The following RP1 variants were observed in gnomAD, a reference collection of about 807,000 sequenced individuals.
The protein encoded by RP1 is oxygen-regulated protein 1.
In RP1, 16 loss-of-function variants were observed where a neutral mutation model predicts 14.8. The observed-to-expected ratio is 1.08, with a 90% confidence interval of 0.73 to 1.65. RP1 has a LOEUF of 1.65. RP1 is among the 40% of genes most tolerant of loss of function. The pLI is 0.00. For missense variants in RP1, 2,631 were observed against 2,535.0 expected (o/e 1.04, Z -0.81); for synonymous variants, 876 against 883.6 (o/e 0.99, Z 0.15).
intron 19 of RP1, among the ~76,000 whole-genome samples, chr8:54,746,826 A>T (rs1034389194): frequency 3.9e-5 from 6 of 152,208 alleles, no homozygotes; most frequent in Non-Finnish European, 1.5e-5. Flanking sequence ...GGTACTTGGT[A>T]TCTCACAAGT....
intron 14 of RP1, among the ~76,000 whole-genome samples, chr8:54,701,827 T>C (rs1250596301): frequency 6.6e-6 from 1 of 152,134 alleles, no homozygotes; most frequent in Non-Finnish European, 1.5e-5. Flanking sequence ...TGAAAGGCAA[T>C]AGAGATGACA....
chr8:54,769,265 C>G (rs1170842547), intron 22 of RP1, among the ~76,000 whole-genome samples: 1 of 152,186 alleles, frequency 6.6e-6, no homozygotes, highest in Non-Finnish European at 1.5e-5. Context: ...AAGACAGAAA[C>G]TCTCATAGAG....
intron 12 of RP1, among the ~76,000 whole-genome samples, chr8:54,696,215 C>A (rs1448567469): frequency 6.6e-6 from 1 of 152,102 alleles, no homozygotes; most frequent in African/African-American, 2.4e-5. Flanking sequence ...TTAAATAATT[C>A]CATGCTAAAA....
At chr8:54,634,065 C>G (rs961290524), downstream of RP1, among the ~76,000 whole-genome samples, 1 of 152,138 alleles carries the variant, frequency 6.6e-6, no homozygotes. Flanking sequence ...AAATGACTTT[C>G]TATTCCCTGT....
chr8:54,579,170 A>C (rs535879388), intron 1 of RP1, among the ~76,000 whole-genome samples: 1 of 152,224 alleles, frequency 6.6e-6, no homozygotes, highest in East Asian at 1.9e-4. Context: ...TCTAGGAAAC[A>C]GACATCAGGG....
intron 24 of RP1, among the ~76,000 whole-genome samples, chr8:54,807,658 CTATCTATCTATCTATCT>C (rs1337091893): frequency 2.5e-4 from 14 of 55,660 alleles, no homozygotes; most frequent in African/African-American, 1.4e-3. Context: ...ATCTATCTAT[CTATCTATCTATCTATCT>C]ATTTATCTAT....
rs137928531 is a variant in RP1 at position 54,662,190 on chromosome 8, A to G, written c.1172-1509A>G. Among the ~76,000 whole-genome samples, 72 of 152,232 alleles carry G rather than the reference A, an allele frequency of 4.7e-4. 1 individual carries two copies. Among genetic ancestry groups the G allele is most frequent in the African/African-American group, 1.5e-3 (63 of 41,552 alleles). On this transcript the variant is annotated intron_variant, in intron 6 of 22. Transcript: ENST00000636932. ...TCTTATTATATTCTGGGAATTTTACATATTATTATATGAGACACTAGTTCT... is the reference window on the plus strand; with the variant it reads ...TCTTATTATATTCTGGGAATTTTACGTATTATTATATGAGACACTAGTTCT...
At chr8:54,674,819 T>C (rs1176115176) in intron 8 of RP1, among the ~76,000 whole-genome samples, 1 of 152,204 alleles carries the variant, frequency 6.6e-6, no homozygotes, top group Non-Finnish European at 1.5e-5. Context: ...TCTTCTCTCT[T>C]GGACAAAATG....
intron 7 of RP1, among the ~76,000 whole-genome samples, chr8:54,672,502 C>CA (rs751952474): frequency 6.6e-6 from 1 of 151,692 alleles, no homozygotes; most frequent in Non-Finnish European, 1.5e-5. Flanking sequence ...CTAAAGTTTT[C>CA]AAAAAAAGAG....
At chr8:54,850,943 T>A (rs1812046210) in intron 25 of RP1, among the ~76,000 whole-genome samples, 1 of 152,236 alleles carries the variant, frequency 6.6e-6, no homozygotes, top group African/African-American at 2.4e-5. Context: ...TAACTCTTTT[T>A]GACTCGGTTT....
At chr8:54,717,985 T>G (rs957020781) in intron 15 of RP1, among the ~76,000 whole-genome samples, 1 of 152,172 alleles carries the variant, frequency 6.6e-6, no homozygotes, top group African/African-American at 2.4e-5. Context: ...ATAATTCCAG[T>G]TATATTAGTA....
chr8:54,625,364 C>A lies in RP1; in HGVS notation c.1482C>A (p.Asn494Lys), dbSNP rs756192112. 34 of 1,613,954 alleles carry A rather than the reference C, an allele frequency of 2.1e-5. No individual in the cohort carries two copies. Among genetic ancestry groups the A allele is most frequent in the Non-Finnish European group, 1.6e-5 (19 of 1,180,026 alleles). ...GTGAAGAAAGGGAAAGTGGGGAAAA[C>A]AAGTCTGAGTATCACATGTTTACAC... is the stretch of plus-strand genomic sequence containing the variant. ...SYSEERESGE[N>K]KSEYHMFTHS... Residue 494 changes from asparagine to lysine, a missense_variant, in exon 4 of 4, where the codon AAC becomes AAA. By Grantham distance (94) the Asn-to-Lys change is moderately conservative (BLOSUM62 0). Coordinates refer to ENST00000220676, the MANE Select transcript of RP1 (RefSeq NM_006269.2).
rs149901279 is a variant in RP1, at chr8:54,757,096, C to T, written c.3093+1326C>T. Among the ~76,000 whole-genome samples, 931 of 152,190 alleles carry T rather than the reference C, an allele frequency of 6.1e-3. 2 individuals carry two copies. The highest frequency in any genetic ancestry group is 0.02 in the Middle Eastern group (6 of 294). ...ATTTTACATTTTCTGTTATTTTCCT[C>T]GGTGCTTGGGATATAATGGAAATGC... On this transcript the variant is annotated intron_variant, in intron 21 of 22. Transcript: ENST00000636932.
chr8:54,755,587 C>T, intron 20 of RP1: 1 of 1,534,062 alleles, frequency 6.5e-7, no homozygotes, highest in East Asian at 2.4e-5. Context: ...TAATGTATTT[C>T]CTCTTATTTT....
chr8:54,743,126 A>G (rs1210521336), intron 19 of RP1, among the ~76,000 whole-genome samples: 7 of 152,218 alleles, frequency 4.6e-5, no homozygotes, highest in Admixed American at 4.6e-4. Context: ...AGTGATTTCA[A>G]ATTTATTTTA....
At chr8:54,715,614 G>A (rs1808384934) in intron 15 of RP1, among the ~76,000 whole-genome samples, 1 of 152,182 alleles carries the variant, frequency 6.6e-6, no homozygotes, top group South Asian at 2.1e-4. Flanking sequence ...AGGCTCAGGA[G>A]AGGCAGGTTG....
intron 23 of RP1, among the ~76,000 whole-genome samples, chr8:54,778,748 C>CT (rs1810107547): frequency 6.6e-6 from 1 of 152,034 alleles, no homozygotes; most frequent in African/African-American, 2.4e-5. Context: ...AGAAAGGAGC[C>CT]TTTTAGGATA....
intron 24 of RP1, among the ~76,000 whole-genome samples, chr8:54,814,809 T>C (rs1811098250): frequency 6.6e-6 from 1 of 152,136 alleles, no homozygotes; most frequent in Non-Finnish European, 1.5e-5. Context: ...AAATTTTGCC[T>C]AAAAAATAAA....
rs1804877932 is a variant in RP1, at chr8:54,584,710, G to GA, written c.-13+25391dup. Among the ~76,000 whole-genome samples, 6 of 152,266 alleles carry GA rather than the reference G, an allele frequency of 3.9e-5. 1 individual carries two copies. The highest frequency in any genetic ancestry group is 3.3e-4 in the Admixed American group (5 of 15,290). On this transcript the variant is annotated intron_variant, in intron 1 of 22. Coordinates refer to the RP1 transcript ENST00000636932. ...CTGTATTGGGTGCATATATATTTAG[G>GA]ATAGTTAGCTTTTCTTGTTGAATTG...
Sources: allele counts gnomAD v4.1 joint callset (sites outside exome capture counted in the v4.1 genomes callset), GRCh38; gene constraint gnomAD v4.1.1; transcripts MANE v1.5; gene names NCBI Gene and HGNC (gene_info 2026-07-23, HGNC 2026-07-21).